The following CLIP1 variants were observed in gnomAD, a reference collection of about 807,000 sequenced individuals.
CLIP1 encodes the protein CAP-Gly domain containing linker protein 1.
Under a neutral mutation model 161.6 loss-of-function variants are expected in CLIP1, and 66 were observed. The ratio of observed to expected loss-of-function variants is 0.41; its 90% CI spans 0.33 to 0.50. CLIP1 has a LOEUF of 0.50. Among genes scored for constraint, CLIP1 ranks in the 20% least tolerant of loss-of-function variants. The pLI is 0.27. For synonymous variants in CLIP1, 598 were observed against 626.2 expected, an observed-to-expected ratio of 0.96 and a Z score of 0.67; for missense variants, 1,376 against 1,702.0, an observed-to-expected ratio of 0.81 and a Z score of 3.37.
At position 122,332,978 on chromosome 12, in the gene CLIP1, C is replaced by T; in HGVS notation, c.2867+9G>A. ...TAAGGTCAGCACTCTTTTCAACAGT[C>T]ACATATACCTTTCTTTCAGACGTAA... On this transcript the variant is annotated intron_variant, in intron 15 of 25. Transcript: ENST00000620786. The T allele has an allele frequency of 1.2e-6, 2 of 1,611,214 alleles. No individual in the cohort carries two copies. The highest frequency in any genetic ancestry group is 1.3e-5 in the African/African-American group (1 of 74,890).
chr12:122,401,519 G>A (rs756890620), intron 1 of CLIP1, among the ~76,000 whole-genome samples: 11 of 151,942 alleles, frequency 7.2e-5, no homozygotes, highest in Non-Finnish European at 1.5e-4. Context: ...TACAAAATCA[G>A]CCAGGCGGCG....
chr12:122,360,859 C>G (rs1246038134), intron 5 of CLIP1, 100 bp downstream of exon 5: 1 of 985,602 alleles, frequency 1.0e-6, no homozygotes, highest in East Asian at 2.7e-5. Context: ...ACATTCAGCA[C>G]AAGGACAAGC....
At chr12:122,349,903 G>GT (rs66666037) in intron 9 of CLIP1, among the ~76,000 whole-genome samples, 85,109 of 145,498 alleles carry the variant, frequency 0.58, 24,817 homozygotes, top group Non-Finnish European at 0.63. Flanking sequence ...TGTTTTTTTT[G>GT]TTTTTTTTGT....
At chr12:122,419,946 A>AT in intron 1 of CLIP1, among the ~76,000 whole-genome samples, 1 of 150,616 alleles carries the variant, frequency 6.6e-6, no homozygotes, top group East Asian at 2.0e-4. Flanking sequence ...AAAAAAAAAA[A>AT]GCAAGAATCA....
intron 20 of CLIP1, among the ~76,000 whole-genome samples, chr12:122,301,943 G>A (rs1414839572): frequency 6.6e-6 from 1 of 152,158 alleles, no homozygotes; most frequent in Admixed American, 6.5e-5. Flanking sequence ...GTCATTGTCT[G>A]GAGACGATGC....
chr12:122,390,630 C>T (rs1287858630), intron 1 of CLIP1, among the ~76,000 whole-genome samples: 4 of 151,580 alleles, frequency 2.6e-5, no homozygotes, highest in African/African-American at 9.7e-5. Flanking sequence ...TTTTAAAAGT[C>T]ATGTAATCTT....
intron 20 of CLIP1, among the ~76,000 whole-genome samples, chr12:122,304,636 C>T (rs1001248270): frequency 6.6e-6 from 1 of 152,236 alleles, no homozygotes; most frequent in African/African-American, 2.4e-5. Context: ...GCTGGGATTA[C>T]AGGCGTGAGC....
At position 122,388,320 on chromosome 12, in the gene CLIP1, G is replaced by C. The variant is rs1029478119; in HGVS notation, c.-106-7762C>G. On this transcript the variant is annotated intron_variant, in intron 1 of 25. Transcript: ENST00000620786. ...CTGCAAGCTCCGCCTCCCGGGTTCA[G>C]GCCATTCTCCTGCCTCAGCCTCCCA... Among the ~76,000 whole-genome samples the C allele has an allele frequency of 7.9e-5, 12 of 151,986 alleles. No homozygotes were observed. The East Asian group carries it at 2.1e-3, about 27-fold the overall frequency.
At chr12:122,305,241 T>G (rs895670903) in intron 20 of CLIP1, among the ~76,000 whole-genome samples, 1 of 152,206 alleles carries the variant, frequency 6.6e-6, no homozygotes, top group Non-Finnish European at 1.5e-5. Flanking sequence ...AGGTGACTAT[T>G]TCTATAGAAG....
intron 23 of CLIP1, 30 bp from the exon 24 acceptor site, chr12:122,278,233 A>C: frequency 6.8e-7 from 1 of 1,477,902 alleles, no homozygotes; most frequent in Non-Finnish European, 9.2e-7. Flanking sequence ...AAAAAAAAAC[A>C]AGTGGAGGGA....
chr12:122,280,703 G>A (rs1955612947), intron 21 of CLIP1: 2 of 152,154 alleles, frequency 1.3e-5, no homozygotes, highest in Non-Finnish European at 2.9e-5. Flanking sequence ...CAACTCTTCT[G>A]GAAATCTAAA....
chr12:122,341,218 T>C lies in CLIP1; in HGVS notation c.1986A>G (p.Gln662=). 6.2e-7 allele frequency: 1 copy of C among 1,614,170 alleles called. No individual in the cohort carries two copies. The highest frequency in any genetic ancestry group is 1.1e-5 in the South Asian group (1 of 91,080). ...GGTAATCTAGTCTCATTTTCTCTAT[T>C]TGTGTTTTTAGTTCAGCAAATTCTG... is the stretch of plus-strand genomic sequence containing the variant. ...ETAEFAELKT[Q]IEKMRLDYQH... is the part of the protein sequence containing the mutation. The change falls in exon 11 of 26, where the codon CAA becomes CAG. Residue 662 remains glutamine (Q), a synonymous_variant. Transcript: ENST00000620786.
chr12:122,337,480 G>C (rs1423467809), intron 11 of CLIP1, among the ~76,000 whole-genome samples: 2 of 151,076 alleles, frequency 1.3e-5, no homozygotes, highest in African/African-American at 4.9e-5. Context: ...AGAGAGATGG[G>C]GTCTCACCAT....
chr12:122,374,075 T>C (rs911481489), intron 3 of CLIP1, among the ~76,000 whole-genome samples: 3 of 151,954 alleles, frequency 2.0e-5, no homozygotes, highest in Non-Finnish European at 4.4e-5. Context: ...GTTGAGCTCG[T>C]GCCTGTAATC....
intron 14 of CLIP1, 52 bp downstream of exon 14, chr12:122,333,975 T>C: frequency 1.8e-6 from 2 of 1,110,582 alleles, no homozygotes; most frequent in Non-Finnish European, 2.8e-6. Flanking sequence ...CTGTCTCGAA[T>C]ACGGGAAAGC....
At chr12:122,413,250 CT>C (rs772133648) in intron 1 of CLIP1, among the ~76,000 whole-genome samples, 2 of 152,290 alleles carry the variant, frequency 1.3e-5, no homozygotes, top group South Asian at 4.1e-4. Flanking sequence ...CCTACTGACT[CT>C]TATCTTTCCT....
chr12:122,352,864 A>G lies in CLIP1; in HGVS notation c.1308-78T>C, dbSNP rs1467669786. 6 of 1,271,894 alleles carry G rather than the reference A, an allele frequency of 4.7e-6. No homozygotes were observed. In the African/African-American group the frequency reaches 8.8e-5, roughly 19 times the overall value. The allele number at this position is 1,271,894 out of a possible 1,614,324, so 78.8% of individuals were successfully genotyped here. A position where few individuals can be genotyped will look rare whatever the true frequency, so the allele number is the denominator to read the frequency against. ...TTTAAAAAAACAAAACAAACAAACA[A>G]AAAAACACGTTGGGCATGGTAGGCC... On this transcript the variant is annotated intron_variant, in intron 7 of 25. Transcript: ENST00000620786.
At chr12:122,358,443 A>G (rs1249354645) in intron 5 of CLIP1, among the ~76,000 whole-genome samples, 2 of 83,702 alleles carry the variant, frequency 2.4e-5, no homozygotes, top group African/African-American at 1.1e-4. Context: ...AATTAAAAAA[A>G]AAAAAAGAAA....
At chr12:122,368,646 AAAAGT>A (rs1372490526) in intron 3 of CLIP1, among the ~76,000 whole-genome samples, 5 of 152,290 alleles carry the variant, frequency 3.3e-5, no homozygotes, top group Admixed American at 3.3e-4. Flanking sequence ...GCTTATTTTA[AAAAGT>A]AAACATGGAG....
Sources: allele counts gnomAD v4.1 joint callset (sites outside exome capture counted in the v4.1 genomes callset), GRCh38; gene constraint gnomAD v4.1.1; transcripts MANE v1.5; gene names NCBI Gene and HGNC (gene_info 2026-07-23, HGNC 2026-07-21).